The following NPSR1 variants were observed in gnomAD, a reference collection of about 807,000 sequenced individuals.
The protein encoded by NPSR1 is neuropeptide S receptor 1, also known as neuropeptide S receptor.
NPSR1 carries 48 observed loss-of-function variants against 46.9 expected under a neutral mutation model. The observed-to-expected ratio is 1.02, with a 90% CI of 0.81 to 1.30. The LOEUF (loss-of-function observed/expected upper bound fraction) is 1.30. Ranked by LOEUF, NPSR1 falls within the 50% of genes most tolerant of loss-of-function variation. NPSR1 has a pLI of 0.00. For missense variants in NPSR1, 450 were observed against 449.5 expected (o/e 1.00, Z -0.01); for synonymous variants, 176 against 168.1 (o/e 1.05, Z -0.36).
intron 3 of NPSR1, among the ~76,000 whole-genome samples, chr7:34,808,956 T>C (rs1788844935): frequency 6.6e-6 from 1 of 152,230 alleles, no homozygotes; most frequent in Non-Finnish European, 1.5e-5. Flanking sequence ...AGTCAGCATC[T>C]TTTTATCAAC....
At chr7:34,684,436 C>A in intron 1 of NPSR1, 116 bp from the exon 2 acceptor site, 1 of 940,766 alleles carries the variant, frequency 1.1e-6, no homozygotes, top group Non-Finnish European at 1.6e-6. Flanking sequence ...GAGAGTAGAG[C>A]TTCCAAAAGT....
chr7:34,792,959 A>G (rs1788007681), intron 3 of NPSR1, among the ~76,000 whole-genome samples: 1 of 151,460 alleles, frequency 6.6e-6, no homozygotes, highest in Non-Finnish European at 1.5e-5. Context: ...AAGCCAAAGC[A>G]GGAGGATTTG....
intron 4 of NPSR1, among the ~76,000 whole-genome samples, chr7:34,819,097 C>T (rs1789413308): frequency 6.6e-6 from 1 of 152,094 alleles, no homozygotes; most frequent in Non-Finnish European, 1.5e-5. Flanking sequence ...AGAGCTTCTG[C>T]ACAGCAAAAG....
chr7:34,853,302 G>C (rs573355651), downstream of NPSR1, among the ~76,000 whole-genome samples: 4 of 152,306 alleles, frequency 2.6e-5, no homozygotes, highest in East Asian at 5.8e-4. Context: ...AATTATCTTA[G>C]GTGAGCTACA....
intron 2 of NPSR1, among the ~76,000 whole-genome samples, chr7:34,690,173 A>G (rs1793176932): frequency 6.6e-6 from 1 of 152,128 alleles, no homozygotes; most frequent in African/African-American, 2.4e-5. Flanking sequence ...GTTGCCACTG[A>G]AAGCACCCAG....
At chr7:34,873,431 GA>G (rs910824942) in intron 8 of NPSR1, among the ~76,000 whole-genome samples, 5 of 151,642 alleles carry the variant, frequency 3.3e-5, no homozygotes, top group African/African-American at 4.9e-5. Flanking sequence ...AATTTATAGA[GA>G]AAAAAAGCTT....
chr7:34,843,202 T>G (rs1033970487), intron 6 of NPSR1, among the ~76,000 whole-genome samples: 1 of 152,304 alleles, frequency 6.6e-6, no homozygotes, highest in Admixed American at 6.5e-5. Flanking sequence ...TACCACAGAC[T>G]GGGAAATTTA....
downstream of NPSR1, chr7:34,850,108 C>A: frequency 2.1e-6 from 1 of 487,460 alleles, no homozygotes; most frequent in Non-Finnish European, 2.7e-6. Context: ...TGCTTGTAGC[C>A]AAGAAAGTGT....
At chr7:34,802,425 A>G (rs1420488763) in intron 3 of NPSR1, among the ~76,000 whole-genome samples, 2 of 150,120 alleles carry the variant, frequency 1.3e-5, no homozygotes, top group Non-Finnish European at 2.9e-5. Context: ...ATCTACAACT[A>G]TCTGATCTTT....
At chr7:34,670,263 T>C (rs1791981999) in intron 1 of NPSR1, among the ~76,000 whole-genome samples, 1 of 152,106 alleles carries the variant, frequency 6.6e-6, no homozygotes, top group South Asian at 2.1e-4. Flanking sequence ...AGCAAAATAA[T>C]TGACAGATGG....
intron 2 of NPSR1, chr7:34,704,188 G>A (rs935554432): frequency 2.6e-5 from 4 of 152,164 alleles, no homozygotes; most frequent in Admixed American, 6.5e-5. Context: ...GTGGATTTCA[G>A]TCCTTGTTTT....
chr7:34,848,390 A>G, intron 7 of NPSR1, 93 bp from the exon 8 acceptor site: 8 of 1,038,670 alleles, frequency 7.7e-6, no homozygotes, highest in Middle Eastern at 2.1e-4. Context: ...CAGGTCCCAA[A>G]GAACCTCTCA....
chr7:34,804,071 A>T (rs1333961518), intron 3 of NPSR1, among the ~76,000 whole-genome samples: 1 of 146,056 alleles, frequency 6.8e-6, no homozygotes, highest in Non-Finnish European at 1.5e-5. Context: ...TCAATCATTT[A>T]AAAAAAAAAT....
intron 4 of NPSR1, among the ~76,000 whole-genome samples, chr7:34,820,026 C>T (rs1334940377): frequency 6.6e-6 from 1 of 152,064 alleles, no homozygotes. Flanking sequence ...CCTATGTATC[C>T]AACCTGCACA....
intron 2 of NPSR1, among the ~76,000 whole-genome samples, chr7:34,713,820 A>G (rs1368844979): frequency 3.3e-5 from 5 of 152,298 alleles, no homozygotes; most frequent in Non-Finnish European, 7.4e-5. Context: ...CAGAAATCTC[A>G]AGAAACAGGA....
intron 2 of NPSR1, among the ~76,000 whole-genome samples, chr7:34,717,384 G>A (rs1470594398): frequency 6.6e-6 from 1 of 152,234 alleles, no homozygotes; most frequent in Non-Finnish European, 1.5e-5. Flanking sequence ...TGCCGCCTCA[G>A]CCTCCCAAAG....
At chr7:34,678,825 C>A (rs1230882297) in intron 1 of NPSR1, among the ~76,000 whole-genome samples, 101 of 139,776 alleles carry the variant, frequency 7.2e-4, no homozygotes, top group African/African-American at 1.8e-3. Flanking sequence ...GACTCTGTCT[C>A]AAAAAAAAGA....
At chr7:34,790,947 TA>T (rs1787773360) in intron 3 of NPSR1, among the ~76,000 whole-genome samples, 14 of 90,272 alleles carry the variant, frequency 1.6e-4, no homozygotes, top group Non-Finnish European at 3.0e-4. Context: ...TTATATATCA[TA>T]TATGTTATAT....
chr7:34,680,829 G>A (rs936278654), intron 1 of NPSR1, among the ~76,000 whole-genome samples: 2 of 152,098 alleles, frequency 1.3e-5, no homozygotes, highest in African/African-American at 4.8e-5. Flanking sequence ...GCATGTATAA[G>A]TGGTAACAGT....
Sources: allele counts gnomAD v4.1 joint callset (sites outside exome capture counted in the v4.1 genomes callset), GRCh38; gene constraint gnomAD v4.1.1; transcripts MANE v1.5; gene names NCBI Gene and HGNC (gene_info 2026-07-23, HGNC 2026-07-21).